Variants in BTBD18 observed in about 807,000 individuals in gnomAD.
BTBD18 encodes the protein BTB/POZ domain-containing protein 18.
For synonymous variants in BTBD18, 311 were observed against 324.4 expected, an observed-to-expected ratio of 0.96 and a Z score of 0.44; for missense variants, 787 against 846.3, an observed-to-expected ratio of 0.93 and a Z score of 0.87.
chr11:57,746,826 C>G (rs1427840755), intron 2 of BTBD18, among the ~76,000 whole-genome samples: 2 of 110,814 alleles, frequency 1.8e-5, no homozygotes, highest in Non-Finnish European at 3.9e-5. Context: ...AAAAAAAAAG[C>G]CTTCCTCCAC....
intron 2 of BTBD18, among the ~76,000 whole-genome samples, chr11:57,748,755 GGCTGAATGTTGTTTCTAAACAACAA>G (rs1201758837): frequency 1.1e-4 from 17 of 152,156 alleles, no homozygotes; most frequent in South Asian, 6.2e-4. Flanking sequence ...AACCAATAAT[GGCTGAATGTTGTTTCTAAACAACAA>G]GCTGAATGTT....
chr11:57,745,360 T>C lies in BTBD18; in HGVS notation c.913A>G (p.Lys305Glu), dbSNP rs529887501. The C allele has an allele frequency of 1.5e-5, 24 of 1,551,662 alleles. No individual in the cohort carries two copies. In the East Asian group the frequency reaches 5.4e-4, roughly 35 times the overall value. The change falls in exon 3 of 3, where the codon AAA becomes GAA. Residue 305 changes from lysine (K) to glutamate (E), a missense_variant. Transcript: ENST00000422652. ...TTTGGCTTGTCCTCTGGTGTTTCTT[T>C]ATTTACACTCCTCTGCCGCCAAAGA... ...RRLWRQRSVN[K>E]ETPEDKPKPG...
chr11:57,746,619 C>T (rs145408852), intron 2 of BTBD18, among the ~76,000 whole-genome samples: 3 of 152,184 alleles, frequency 2.0e-5, no homozygotes, highest in East Asian at 3.9e-4. Context: ...CCACCGTGTC[C>T]AGCCCGCTAC....
At chr11:57,746,172 T>C in intron 2 of BTBD18, 24 bp from the exon 3 acceptor site, 1 of 1,506,064 alleles carries the variant, frequency 6.6e-7, no homozygotes, top group South Asian at 1.3e-5. Context: ...CAAATACTTT[T>C]GTTATCAGGT....
rs1414120199 is a variant in BTBD18, at chr11:57,744,214, T to C, written c.2059A>G (p.Arg687Gly). 1 of 1,551,354 alleles carries C rather than the reference T, an allele frequency of 6.4e-7. No homozygotes were observed. The highest frequency in any genetic ancestry group is 8.7e-7 in the Non-Finnish European group (1 of 1,146,912). ...IDVVDWTAEG[R>G]LVPTTVPSVW... is the part of the protein sequence containing the mutation. ...GAGGGAACAGTAGTGGGTACCAGCC[T>C]CCCCTCTGCTGTCCAGTCCACCACA... Residue 687 changes from arginine (R) to glycine (G), a missense_variant, in exon 3 of 3, where the codon AGG (arginine) becomes GGG (glycine). By Grantham distance (125) the Arg-to-Gly change is moderately radical (BLOSUM62 -2). Transcript: ENST00000422652.
Position 57,745,070 on chromosome 11 carries a change from T to C in BTBD18, c.1203A>G (p.Pro401=). ...ACATTTCCTGCTCATTACTGGAGAA[T>C]GGCTGAGTTCCTGAAGGCTCTTGGA... is the stretch of plus-strand genomic sequence containing the variant. ...GDFQEPSGTQ[P]FSSNEQEMSP... Residue 401 remains proline, a synonymous_variant, in exon 3 of 3, where the codon CCA becomes CCG. Transcript: ENST00000422652. 1.3e-6 allele frequency: 2 copies of C among 1,551,714 alleles called. No individual in the cohort carries two copies. Among genetic ancestry groups the C allele is most frequent in the Non-Finnish European group, 1.7e-6 (2 of 1,146,984 alleles).
chr11:57,744,346 T>A lies in BTBD18; in HGVS notation c.1927A>T (p.Thr643Ser). 1 of 1,551,582 alleles carries A rather than the reference T, an allele frequency of 6.4e-7. No homozygotes were observed. Residue 643 changes from threonine to serine, a missense_variant, in exon 3 of 3, where the codon ACT becomes TCT. Thr to Ser is a moderately conservative substitution (Grantham distance 58). Transcript: ENST00000422652. ...WVETGLEVSLTTDELLYPSPK... is the reference protein window; with the variant it reads ...WVETGLEVSLSTDELLYPSPK... ...GAAGGGTATAATAACTCATCTGTAG[T>A]CAAGGAGACTTCCAGCCCAGTCTCC...
chr11:57,745,696 T>C lies in BTBD18; in HGVS notation c.577A>G (p.Asn193Asp), dbSNP rs1432737177. The C allele has an allele frequency of 1.3e-6, 2 of 1,551,576 alleles. No individual in the cohort carries two copies. Among genetic ancestry groups the C allele is most frequent in the Non-Finnish European group, 1.7e-6 (2 of 1,146,998 alleles). ...SLGKEEGPQE[N>D]NRQNADNLSG... ...AAATTGTCTGCATTCTGTCGGTTGT[T>C]TTCCTGGGGCCCCTCTTCCTTCCCC... is the stretch of plus-strand genomic sequence containing the variant. Residue 193 changes from asparagine (N) to aspartate (D), a missense_variant, in exon 3 of 3, where the codon AAC (asparagine) becomes GAC (aspartate). Coordinates refer to ENST00000422652, the MANE Select transcript of BTBD18 (RefSeq NM_001145101.3).
intron 2 of BTBD18, among the ~76,000 whole-genome samples, chr11:57,750,197 GA>G (rs1234903632): frequency 6.6e-6 from 1 of 151,972 alleles, no homozygotes; most frequent in Non-Finnish European, 1.5e-5. Context: ...CCAACATAGT[GA>G]AACCCCATCT....
Position 57,751,759 on chromosome 11 carries a change from GTTAACA to G in BTBD18, c.-273_-268del, listed in dbSNP as rs1341708189. On this transcript the variant is annotated 5_prime_UTR_variant, in exon 1 of 3. Coordinates refer to ENST00000422652, the MANE Select transcript of BTBD18 (RefSeq NM_001145101.3). ...CCAGCTCCACAGGTATAATCTTCAA[GTTAACA>G]CTTTTAAGGAAACATTACTGGGTAT... The G allele has an allele frequency of 6.6e-6, 1 of 152,166 alleles. No homozygotes were observed. The highest frequency in any genetic ancestry group is 1.5e-5 in the Non-Finnish European group (1 of 68,066). The allele number at this position is 152,166 out of a possible 1,614,324, so 9.4% of individuals were successfully genotyped here.
rs755434207 is a variant in BTBD18, at chr11:57,745,502, G to A, written c.771C>T (p.His257=). The A allele has an allele frequency of 3.9e-6, 6 of 1,549,570 alleles. No homozygotes were observed. In the Admixed American group the frequency reaches 5.9e-5, roughly 15 times the overall value. The change falls in exon 3 of 3, where the codon CAC becomes CAT. Residue 257 remains histidine (H), a synonymous_variant. Coordinates refer to ENST00000422652, the MANE Select transcript of BTBD18 (RefSeq NM_001145101.3). ...PPSLYPSVDK[H]LLPRKIRLSR... ...TGAGCCTGATCTTTCTGGGCAACAGGTGTTTGTCCACAGAGGGGTACAAGC... is the reference window on the plus strand; with the variant it reads ...TGAGCCTGATCTTTCTGGGCAACAGATGTTTGTCCACAGAGGGGTACAAGC...
rs1371465258 is a variant in BTBD18 at position 57,745,863 on chromosome 11, C to T, written c.410G>A (p.Arg137Gln). ...GGKLVKAPQG[R>Q]RLNRECLQPT... ...TTGTAAGCACTCTCGGTTCAGCCTTCGGCCCTGTGGGGCCTTCACCAACTT... is the reference window on the plus strand; with the variant it reads ...TTGTAAGCACTCTCGGTTCAGCCTTTGGCCCTGTGGGGCCTTCACCAACTT... The change falls in exon 3 of 3, where the codon CGA becomes CAA. Residue 137 changes from arginine (R) to glutamine (Q), a missense_variant. Coordinates refer to ENST00000422652, the MANE Select transcript of BTBD18 (RefSeq NM_001145101.3). 4.5e-6 allele frequency: 7 copies of T among 1,551,568 alleles called. No individual in the cohort carries two copies. The highest frequency in any genetic ancestry group is 2.4e-5 in the East Asian group (1 of 40,924).
rs138006445 is a variant in BTBD18 at position 57,750,721 on chromosome 11, C to CA, written c.124+343dup. 3.7e-3 allele frequency among the ~76,000 whole-genome samples: 565 copies of CA among 152,344 alleles called. 3 individuals are homozygous for CA. Among genetic ancestry groups the CA allele is most frequent in the African/African-American group, 0.013 (548 of 41,582 alleles). On this transcript the variant is annotated intron_variant, in intron 2 of 2. Transcript: ENST00000422652. ...AAGAAAACATAATAGTATCATCTAA[C>CA]ACATATTGTGGTTAGTATATTAAAA...
At chr11:57,753,034 A>G (rs796329870), upstream of BTBD18, among the ~76,000 whole-genome samples, 2 of 152,234 alleles carry the variant, frequency 1.3e-5, no homozygotes, top group South Asian at 4.1e-4. Context: ...GCGCCCTTGT[A>G]TCCCTGCGGG....
In BTBD18 at chr11:57,750,467, G is replaced by A. The variant is rs190712777; in HGVS notation, c.124+598C>T. On this transcript the variant is annotated intron_variant, in intron 2 of 2. Coordinates refer to ENST00000422652, the MANE Select transcript of BTBD18 (RefSeq NM_001145101.3). ...TCCCAGCACTTTGGCAAGCCCAGGC[G>A]GGTGGATCACTTGAGGCCAGGAGTT... 3.6e-3 allele frequency among the ~76,000 whole-genome samples: 547 copies of A among 152,388 alleles called. 1 individual carries two copies. Among genetic ancestry groups the A allele is most frequent in the Non-Finnish European group, 4.5e-3 (309 of 68,040 alleles).
chr11:57,751,015 T>G, intron 2 of BTBD18, 50 bp downstream of exon 2: 1 of 1,461,688 alleles, frequency 6.8e-7, no homozygotes. Flanking sequence ...TGAACTCATT[T>G]TATCTTATTC....
chr11:57,744,107 G>C lies in BTBD18; in HGVS notation c.*27C>G. 6.5e-6 allele frequency: 7 copies of C among 1,075,436 alleles called. No individual in the cohort carries two copies. Among genetic ancestry groups the C allele is most frequent in the Non-Finnish European group, 8.1e-6 (6 of 736,566 alleles). 66.6% of individuals were successfully genotyped at this position (1,075,436 alleles called of 1,614,324 possible). ...TAGCTAACATTTCCCACCCTCCCAA[G>C]GCCCCTAACCTGCCCTCCCCTCTCC... On this transcript the variant is annotated 3_prime_UTR_variant, in exon 3 of 3. Coordinates refer to ENST00000422652, the MANE Select transcript of BTBD18 (RefSeq NM_001145101.3).
chr11:57,746,494 T>C (rs1252860671), intron 2 of BTBD18, among the ~76,000 whole-genome samples: 2 of 152,100 alleles, frequency 1.3e-5, no homozygotes, highest in Non-Finnish European at 2.9e-5. Context: ...CACACCCGGC[T>C]AATTTTTGTA....
At chr11:57,749,013 A>G (rs1323477410) in intron 2 of BTBD18, among the ~76,000 whole-genome samples, 1 of 152,192 alleles carries the variant, frequency 6.6e-6, no homozygotes, top group Non-Finnish European at 1.5e-5. Context: ...GCTGTCTGCC[A>G]GGAAAAATCC....
Sources: allele counts gnomAD v4.1 joint callset (sites outside exome capture counted in the v4.1 genomes callset), GRCh38; gene constraint gnomAD v4.1.1; transcripts MANE v1.5; gene names NCBI Gene and HGNC (gene_info 2026-07-23, HGNC 2026-07-21).